The following SCAF4 variants were observed in gnomAD, a reference collection of about 807,000 sequenced individuals.
The protein encoded by SCAF4 is SR-related CTD associated factor 4.
A neutral mutation model predicts 129.8 loss-of-function variants in SCAF4; 25 were observed. The observed-to-expected ratio is 0.19, with a 90% CI of 0.14 to 0.27. The LOEUF (loss-of-function observed/expected upper bound fraction) is 0.27. Ranked by LOEUF, SCAF4 falls within the 10% of genes least tolerant of loss-of-function variation. The pLI is 1.00. For synonymous variants in SCAF4, 551 were observed against 497.7 expected, an observed-to-expected ratio of 1.11 and a Z score of -1.43; for missense variants, 1,246 against 1,457.1, an observed-to-expected ratio of 0.86 and a Z score of 2.36.
At chr21:31,683,078 C>T (rs2050032817) in intron 19 of SCAF4, among the ~76,000 whole-genome samples, 2 of 152,208 alleles carry the variant, frequency 1.3e-5, no homozygotes. Context: ...ATGTCAAATT[C>T]TAAACCCTTC....
chr21:31,693,776 GT>G (rs147540623), intron 11 of SCAF4, among the ~76,000 whole-genome samples: 108 of 152,236 alleles, frequency 7.1e-4, no homozygotes, highest in Non-Finnish European at 1.3e-3. Flanking sequence ...AATTTTCACA[GT>G]TGAGATACAC....
At chr21:31,692,867 T>A (rs1038624968) in intron 12 of SCAF4, among the ~76,000 whole-genome samples, 1 of 152,254 alleles carries the variant, frequency 6.6e-6, no homozygotes, top group Non-Finnish European at 1.5e-5. Flanking sequence ...GTTGATGGTT[T>A]TTCTTTTATG....
chr21:31,727,622 T>C (rs929197225), intron 1 of SCAF4, among the ~76,000 whole-genome samples: 3 of 151,986 alleles, frequency 2.0e-5, no homozygotes, highest in Non-Finnish European at 4.4e-5. Context: ...TGAAACCCCG[T>C]CTCTACTAAA....
In SCAF4 at chr21:31,732,090, G is replaced by A. The variant is rs2051381146; in HGVS notation, c.-398C>T. The A allele has an allele frequency of 2.4e-6, 1 of 409,298 alleles. No homozygotes were observed. Among genetic ancestry groups the A allele is most frequent in the East Asian group, 3.6e-5 (1 of 27,640 alleles). The allele number at this position is 409,298 out of a possible 1,614,324, so 25.4% of individuals were successfully genotyped here. A position where few individuals can be genotyped will look rare whatever the true frequency, so the allele number is the denominator to read the frequency against. Reference sequence around the variant, plus strand: ...TCTCTCCAGCGGGATGGCGGCAGCGGCCCGAGTCCACGCCGCGCGGGGCAC... The same window carrying A: ...TCTCTCCAGCGGGATGGCGGCAGCGACCCGAGTCCACGCCGCGCGGGGCAC... On this transcript the variant is annotated 5_prime_UTR_variant, in exon 1 of 20. Transcript: ENST00000286835.
Position 31,717,995 on chromosome 21 carries a change from G to A in SCAF4, c.31-11638C>T, listed in dbSNP as rs563937953. On this transcript the variant is annotated intron_variant, in intron 1 of 19. Transcript: ENST00000286835. The stretch of plus-strand genomic sequence containing the variant: ...TTTCACTCTCATTGCCCAGGCTGGA[G>A]TGCAATGGCGCGATCTCGGCTCACC... Among the ~76,000 whole-genome samples, 6 of 152,010 alleles carry A rather than the reference G, an allele frequency of 3.9e-5. No individual in the cohort carries two copies. In the South Asian group the frequency reaches 1.0e-3, roughly 26 times the overall value.
At chr21:31,726,065 A>G (rs995561596) in intron 1 of SCAF4, among the ~76,000 whole-genome samples, 1 of 147,344 alleles carries the variant, frequency 6.8e-6, no homozygotes, top group Non-Finnish European at 1.5e-5. Flanking sequence ...TTTTTTTTTG[A>G]GATAGAGTCT....
chr21:31,683,256 A>AG (rs1601189146), intron 19 of SCAF4, among the ~76,000 whole-genome samples: 1 of 152,338 alleles, frequency 6.6e-6, no homozygotes, highest in East Asian at 1.9e-4. Flanking sequence ...ACAGTATGTC[A>AG]GGTGATGATA....
chr21:31,692,211 C>A, intron 13 of SCAF4, 138 bp downstream of exon 13: 1 of 627,876 alleles, frequency 1.6e-6, no homozygotes, highest in Non-Finnish European at 2.8e-6. Context: ...TAATTCTAAA[C>A]GTGGACTCTG....
chr21:31,690,759 A>G, intron 15 of SCAF4, 38 bp downstream of exon 15: 4 of 1,582,518 alleles, frequency 2.5e-6, no homozygotes, highest in Non-Finnish European at 1.7e-6. Context: ...CTACCAAGCA[A>G]ATAAGTGAAC....
At chr21:31,724,727 C>CTG (rs2051158312) in intron 1 of SCAF4, among the ~76,000 whole-genome samples, 1 of 151,454 alleles carries the variant, frequency 6.6e-6, no homozygotes, top group Non-Finnish European at 1.5e-5. Context: ...GTAAAGAAAA[C>CTG]AAACAAAAAA....
At position 31,672,071 on chromosome 21, in the gene SCAF4, G is replaced by A. The variant is rs139736401; in HGVS notation, c.2772C>T (p.Leu924=). ...PFVRPGGMPG[L]GGPGPGPGGP... ...CCCCTGGGCCTGGCCCTGGGCCCCC[G>A]AGCCCTGGCATTCCACCAGGCCTAA... Residue 924 remains leucine, a synonymous_variant, in exon 20 of 20, where the codon CTC becomes CTT. Coordinates refer to ENST00000286835, the MANE Select transcript of SCAF4 (RefSeq NM_020706.2). The A allele has an allele frequency of 1.5e-5, 25 of 1,613,166 alleles. No individual in the cohort carries two copies. Among genetic ancestry groups the A allele is most frequent in the East Asian group, 6.7e-5 (3 of 44,852 alleles).
chr21:31,677,479 C>T (rs920552309), intron 19 of SCAF4, among the ~76,000 whole-genome samples: 1 of 152,194 alleles, frequency 6.6e-6, no homozygotes, highest in Non-Finnish European at 1.5e-5. Context: ...TTGTATCCTT[C>T]ATCTCCCAGT....
chr21:31,731,752 C>T lies in SCAF4; in HGVS notation c.-60G>A, dbSNP rs1033958538. 4 of 1,541,974 alleles carry T rather than the reference C, an allele frequency of 2.6e-6. No homozygotes were observed. In the African/African-American group the frequency reaches 4.3e-5, roughly 17 times the overall value. ...CGGTCACATAGACCTCGCGCCGCGG[C>T]GGAGCGGGGCTGGGAAACCAGCCGG... is the stretch of plus-strand genomic sequence containing the variant. On this transcript the variant is annotated 5_prime_UTR_variant, in exon 1 of 20. Transcript: ENST00000286835.
chr21:31,710,946 G>A (rs190336246), intron 1 of SCAF4, among the ~76,000 whole-genome samples: 1 of 152,264 alleles, frequency 6.6e-6, no homozygotes, highest in African/African-American at 2.4e-5. Flanking sequence ...ATGTTTCAAA[G>A]CTTTTTTATA....
chr21:31,683,705 A>G (rs1162308564), intron 19 of SCAF4, among the ~76,000 whole-genome samples: 1 of 150,634 alleles, frequency 6.6e-6, no homozygotes, highest in East Asian at 1.9e-4. Context: ...AATCATGTTA[A>G]TATGAAAAAA....
chr21:31,731,844 G>T lies in SCAF4; in HGVS notation c.-152C>A. 7.0e-6 allele frequency: 6 copies of T among 851,152 alleles called. No individual in the cohort carries two copies. Among genetic ancestry groups the T allele is most frequent in the Non-Finnish European group, 9.9e-6 (6 of 604,648 alleles). The allele number at this position is 851,152 out of a possible 1,614,324, so 52.7% of individuals were successfully genotyped here. ...GCCCGGGCAGGAAGAGGCTGCGCCC[G>T]AAGCGGCGAGGCGGGCGGCCGAGGC... On this transcript the variant is annotated 5_prime_UTR_variant, in exon 1 of 20. Coordinates refer to ENST00000286835, the MANE Select transcript of SCAF4 (RefSeq NM_020706.2).
At chr21:31,712,880 T>A (rs1601253686) in intron 1 of SCAF4, 3 of 974,088 alleles carry the variant, frequency 3.1e-6, no homozygotes, top group Non-Finnish European at 3.7e-6. Flanking sequence ...TATAAAACTG[T>A]TAATAGCATG....
chr21:31,727,782 T>C (rs1224847459), intron 1 of SCAF4, among the ~76,000 whole-genome samples: 1 of 151,400 alleles, frequency 6.6e-6, no homozygotes, highest in Non-Finnish European at 1.5e-5. Context: ...AGAGCGGGTC[T>C]CCACCTTAAA....
chr21:31,692,971 T>C (rs2050295366), intron 12 of SCAF4, among the ~76,000 whole-genome samples: 1 of 152,262 alleles, frequency 6.6e-6, no homozygotes, highest in South Asian at 2.1e-4. Flanking sequence ...TAATAGTTAC[T>C]GATTTATATC....
Sources: allele counts gnomAD v4.1 joint callset (sites outside exome capture counted in the v4.1 genomes callset), GRCh38; gene constraint gnomAD v4.1.1; transcripts MANE v1.5; gene names NCBI Gene and HGNC (gene_info 2026-07-23, HGNC 2026-07-21).